Variants in LINGO1 observed in about 807,000 individuals in gnomAD.
LINGO1 encodes the protein leucine-rich repeat and immunoglobulin-like domain-containing nogo receptor-interacting protein 1.
Under a neutral mutation model 37.3 loss-of-function variants are expected in LINGO1, and 11 were observed. The observed-to-expected ratio is 0.29, with a 90% confidence interval of 0.19 to 0.49. LINGO1 has a LOEUF of 0.49. Ranked by LOEUF, LINGO1 falls within the 20% of genes least tolerant of loss-of-function variation. The pLI, the probability that LINGO1 is intolerant of heterozygous loss-of-function variation, is 0.99. For synonymous variants in LINGO1, 387 were observed against 403.0 expected (o/e 0.96, Z 0.48); for missense variants, 585 against 878.2 (o/e 0.67, Z 4.22).
intron 1 of LINGO1, among the ~76,000 whole-genome samples, chr15:77,625,172 A>G (rs1214661907): frequency 4.6e-5 from 7 of 152,166 alleles, no homozygotes; most frequent in Non-Finnish European, 4.4e-5. Context: ...GGGGGGTGCC[A>G]CAGCCTCACA....
At chr15:77,633,275 G>A (rs1437828316), upstream of LINGO1, among the ~76,000 whole-genome samples, 1 of 138,184 alleles carries the variant, frequency 7.2e-6, no homozygotes, top group Non-Finnish European at 1.5e-5. Flanking sequence ...ACACCGTTGT[G>A]TGTGATTTTT....
At chr15:77,806,159 C>T (rs967653329) in intron 1 of LINGO1, among the ~76,000 whole-genome samples, 1 of 152,174 alleles carries the variant, frequency 6.6e-6, no homozygotes, top group African/African-American at 2.4e-5. Context: ...CACCTGACCA[C>T]GGAGGGCTTC....
At position 77,717,166 on chromosome 15, in the gene LINGO1, G is replaced by A. The variant is rs928571579; in HGVS notation, c.-195+17826C>T. Reference sequence around the variant, plus strand: ...GCAAGGCGGGGGTTAACTCTCTGCCGTGGAGCAGAAAATGAGGTTCCAGTT... The same window carrying A: ...GCAAGGCGGGGGTTAACTCTCTGCCATGGAGCAGAAAATGAGGTTCCAGTT... On this transcript the variant is annotated intron_variant, in intron 2 of 3. Coordinates refer to the LINGO1 transcript ENST00000561686. 1.9e-4 allele frequency among the ~76,000 whole-genome samples: 29 copies of A among 150,722 alleles called. 4 individuals are homozygous for A. The highest frequency in any genetic ancestry group is 1.5e-3 in the Admixed American group (23 of 15,070).
intron 1 of LINGO1, among the ~76,000 whole-genome samples, chr15:77,774,622 A>ACCCAT (rs2076619132): frequency 6.6e-6 from 1 of 151,614 alleles, no homozygotes; most frequent in South Asian, 2.1e-4. Context: ...ACCACACAGA[A>ACCCAT]CCCATCAGCC....
rs140640557 is a variant in LINGO1, at chr15:77,685,105, G to C, written c.-99+5615C>G. Among the ~76,000 whole-genome samples the C allele has an allele frequency of 1.3e-5, 2 of 150,490 alleles. 1 individual carries two copies. Among genetic ancestry groups the C allele is most frequent in the Admixed American group, 1.3e-4 (2 of 15,174 alleles). Reference sequence around the variant, plus strand: ...CTGGAGGGGGTGGGTGTGGGGAGTGGGGGTAAGAGTCATTGGTTGTGGCTG... The same window carrying C: ...CTGGAGGGGGTGGGTGTGGGGAGTGCGGGTAAGAGTCATTGGTTGTGGCTG... On this transcript the variant is annotated intron_variant, in intron 2 of 3. Transcript: ENST00000559893.
At chr15:77,806,171 C>A (rs1456717557) in intron 1 of LINGO1, among the ~76,000 whole-genome samples, 1 of 152,168 alleles carries the variant, frequency 6.6e-6, no homozygotes, top group Non-Finnish European at 1.5e-5. Context: ...GAGGGCTTCC[C>A]GGCAGATAAA....
intron 3 of LINGO1, among the ~76,000 whole-genome samples, chr15:77,656,110 C>T (rs1329543362): frequency 6.6e-6 from 1 of 152,228 alleles, no homozygotes; most frequent in South Asian, 2.1e-4. Context: ...CAGTAAGGAA[C>T]CCAGAAAGGG....
intron 3 of LINGO1, among the ~76,000 whole-genome samples, chr15:77,663,053 C>T (rs760740025): frequency 3.3e-5 from 5 of 152,216 alleles, no homozygotes; most frequent in African/African-American, 1.2e-4. Context: ...TTTTGAGGAT[C>T]AGCCTCACCT....
chr15:77,733,460 C>T (rs1481591133), intron 2 of LINGO1, among the ~76,000 whole-genome samples: 1 of 152,190 alleles, frequency 6.6e-6, no homozygotes, highest in African/African-American at 2.4e-5. Flanking sequence ...GAGGGCCTGA[C>T]CAGAGGATAT....
chr15:77,773,407 A>C (rs1032795807), intron 1 of LINGO1, among the ~76,000 whole-genome samples: 1 of 152,134 alleles, frequency 6.6e-6, no homozygotes, highest in African/African-American at 2.4e-5. Flanking sequence ...GCAGCCCCTG[A>C]TGTTGGCAGA....
At chr15:77,623,409 G>T (rs2073984124) in intron 1 of LINGO1, among the ~76,000 whole-genome samples, 1 of 152,220 alleles carries the variant, frequency 6.6e-6, no homozygotes, top group Non-Finnish European at 1.5e-5. Context: ...CTCCATTCTG[G>T]CTTTCCAGGG....
chr15:77,812,897 C>G (rs1369432166), intron 1 of LINGO1, among the ~76,000 whole-genome samples: 3 of 152,218 alleles, frequency 2.0e-5, no homozygotes, highest in South Asian at 4.1e-4. Flanking sequence ...AACTCGGGAG[C>G]TTCTCAAACA....
At chr15:77,809,327 C>A (rs576451134) in intron 1 of LINGO1, among the ~76,000 whole-genome samples, 1 of 152,210 alleles carries the variant, frequency 6.6e-6, no homozygotes, top group African/African-American at 2.4e-5. Context: ...TCAAAGGCAG[C>A]GGGATCCGGG....
At chr15:77,699,020 G>C (rs2075733539), upstream of LINGO1, among the ~76,000 whole-genome samples, 1 of 152,088 alleles carries the variant, frequency 6.6e-6, no homozygotes, top group African/African-American at 2.4e-5. Flanking sequence ...TGGCTCCTAA[G>C]GGTCCAGGGA....
intron 2 of LINGO1, among the ~76,000 whole-genome samples, chr15:77,715,801 C>T (rs2075976749): frequency 6.6e-6 from 1 of 152,200 alleles, no homozygotes; most frequent in Admixed American, 6.5e-5. Flanking sequence ...GGCCACCCTC[C>T]TCTCCATTCA....
intron 1 of LINGO1, among the ~76,000 whole-genome samples, chr15:77,622,077 CTGAT>C (rs778675038): frequency 2.8e-4 from 43 of 152,284 alleles, no homozygotes; most frequent in South Asian, 1.5e-3. Context: ...GTGCCCGTGA[CTGAT>C]TGGGCAGCAG....
chr15:77,795,688 G>A (rs1208696531), intron 2 of LINGO1, among the ~76,000 whole-genome samples: 2 of 152,196 alleles, frequency 1.3e-5, no homozygotes, highest in South Asian at 4.1e-4. Context: ...CCCATGCCAC[G>A]CGGGAACCCA....
At chr15:77,738,846 C>A (rs1043434669) in intron 1 of LINGO1, among the ~76,000 whole-genome samples, 2 of 152,104 alleles carry the variant, frequency 1.3e-5, no homozygotes, top group East Asian at 3.9e-4. Context: ...ACAGCCAACT[C>A]TACCAGACTC....
intron 2 of LINGO1, among the ~76,000 whole-genome samples, chr15:77,710,917 G>A (rs1319327513): frequency 6.6e-6 from 1 of 152,244 alleles, no homozygotes; most frequent in Non-Finnish European, 1.5e-5. Flanking sequence ...TCTGTTCACA[G>A]GCCTCAGGGG....
Sources: allele counts gnomAD v4.1 joint callset (sites outside exome capture counted in the v4.1 genomes callset), GRCh38; gene constraint gnomAD v4.1.1; transcripts MANE v1.5; gene names NCBI Gene and HGNC (gene_info 2026-07-23, HGNC 2026-07-21).